The following ATP6V1D variants were observed in gnomAD, a reference collection of about 807,000 sequenced individuals.
The protein encoded by ATP6V1D is ATPase H+ transporting V1 subunit D, also known as V-type proton ATPase subunit D.
ATP6V1D carries 20 observed loss-of-function variants against 39.4 expected under a neutral mutation model. That is an observed-to-expected ratio of 0.51 (90% CI 0.36 to 0.74). ATP6V1D has a LOEUF of 0.74. ATP6V1D is among the 30% of genes least tolerant of loss of function. The probability of loss-of-function intolerance (pLI) is 0.00; values close to 1 mark genes in which losing one functional copy is unlikely to be tolerated. For missense variants in ATP6V1D, 228 were observed against 291.6 expected, an observed-to-expected ratio of 0.78 and a Z score of 1.59; for synonymous variants, 100 against 100.5, an observed-to-expected ratio of 0.99 and a Z score of 0.03.
At chr14:67,341,146 T>A (rs2085578613) in intron 7 of ATP6V1D, among the ~76,000 whole-genome samples, 1 of 151,674 alleles carries the variant, frequency 6.6e-6, no homozygotes, top group Admixed American at 6.6e-5. Flanking sequence ...TCGTCTGGGA[T>A]GTGAGGAGCC....
chr14:67,338,992 C>CT (rs772977015), intron 8 of ATP6V1D, among the ~76,000 whole-genome samples: 2,843 of 131,104 alleles, frequency 0.022, 46 homozygotes, highest in African/African-American at 0.029. Context: ...AGACAGAAGC[C>CT]TTTTTTTTTT....
chr14:67,342,690 C>T (rs2085594133), intron 7 of ATP6V1D, among the ~76,000 whole-genome samples: 1 of 148,294 alleles, frequency 6.7e-6, no homozygotes, highest in Non-Finnish European at 1.5e-5. Flanking sequence ...GTTAATATAA[C>T]AGTTAATATA....
rs1680753682 is a variant in ATP6V1D at position 67,347,390 on chromosome 14, C to T, written c.352+19G>A. The T allele has an allele frequency of 1.3e-6, 2 of 1,580,512 alleles. No homozygotes were observed. The highest frequency in any genetic ancestry group is 1.7e-5 in the Admixed American group (1 of 58,534). On this transcript the variant is annotated intron_variant, in intron 5 of 8. Transcript: ENST00000216442. The stretch of plus-strand genomic sequence containing the variant: ...GAAATCCCAGAGACACAAAGTAATA[C>T]AAAAAGTTTCACACTTACTGTCAGT...
chr14:67,352,743 T>TA (rs2085663659), intron 2 of ATP6V1D, 180 bp downstream of exon 2: 1 of 535,342 alleles, frequency 1.9e-6, no homozygotes, highest in African/African-American at 2.0e-5. Context: ...CAGGCAAGAT[T>TA]AAAGAGTTTG....
chr14:67,338,547 C>A lies in ATP6V1D; in HGVS notation c.*74G>T. On this transcript the variant is annotated 3_prime_UTR_variant, in exon 9 of 9. Transcript: ENST00000216442. ...TTAGGCCAAAAAATAAATAGCCACA[C>A]AAATCAAACCTACACACTGTGAATT... 1 of 1,427,610 alleles carries A rather than the reference C, an allele frequency of 7.0e-7. No homozygotes were observed. The highest frequency in any genetic ancestry group is 9.3e-7 in the Non-Finnish European group (1 of 1,074,126). 88.4% of individuals were successfully genotyped at this position (1,427,610 alleles called of 1,614,324 possible).
chr14:67,342,090 T>TG (rs2085588659), intron 7 of ATP6V1D, among the ~76,000 whole-genome samples: 1 of 151,984 alleles, frequency 6.6e-6, no homozygotes, highest in South Asian at 2.1e-4. Context: ...CAGAGACCTT[T>TG]GTTCACTTGT....
intron 7 of ATP6V1D, among the ~76,000 whole-genome samples, chr14:67,342,219 AAAAT>A (rs1319111838): frequency 1.1e-5 from 1 of 94,256 alleles, no homozygotes; most frequent in African/African-American, 6.1e-5. Context: ...TAAATAAAAT[AAAAT>A]AAAAAAAAAC....
chr14:67,344,698 G>C (rs1229837950), intron 6 of ATP6V1D, among the ~76,000 whole-genome samples: 1 of 151,802 alleles, frequency 6.6e-6, no homozygotes, highest in Non-Finnish European at 1.5e-5. Context: ...GGGCAACGTA[G>C]CAAGACCTCA....
intron 7 of ATP6V1D, 99 bp from the exon 8 acceptor site, chr14:67,340,617 A>G (rs2085573396): frequency 1.0e-6 from 1 of 1,003,566 alleles, no homozygotes; most frequent in Non-Finnish European, 1.5e-6. Context: ...CCTAATTGTA[A>G]AATTAATGTG....
chr14:67,340,563 T>G (rs1299984536), intron 7 of ATP6V1D, 45 bp from the exon 8 acceptor site: 1 of 1,485,774 alleles, frequency 6.7e-7, no homozygotes, highest in Non-Finnish European at 9.4e-7. Context: ...TTCAAACCCC[T>G]TTTTTCAAAT....
intron 2 of ATP6V1D, among the ~76,000 whole-genome samples, chr14:67,350,972 A>G (rs1298642532): frequency 6.6e-6 from 1 of 152,242 alleles, no homozygotes; most frequent in Non-Finnish European, 1.5e-5. Context: ...GAATGGGTAC[A>G]TGCTGATTTA....
chr14:67,351,965 A>T (rs1388600251), intron 2 of ATP6V1D, among the ~76,000 whole-genome samples: 1 of 149,448 alleles, frequency 6.7e-6, no homozygotes, highest in Non-Finnish European at 1.5e-5. Context: ...TAAGCATGAA[A>T]AGCTCCTTAA....
chr14:67,357,732 A>G (rs2085694980), intron 1 of ATP6V1D, among the ~76,000 whole-genome samples: 1 of 152,230 alleles, frequency 6.6e-6, no homozygotes, highest in African/African-American at 2.4e-5. Flanking sequence ...TGGCCATTTT[A>G]AAAAAGAGAG....
chr14:67,342,212 A>AATT lies in ATP6V1D; in HGVS notation c.523+1159_523+1160insAAT, dbSNP rs1323704286. Among the ~76,000 whole-genome samples, 125 of 119,204 alleles carry AATT rather than the reference A, an allele frequency of 1.0e-3. 2 individuals carry two copies. The highest frequency in any genetic ancestry group is 2.2e-3 in the African/African-American group (60 of 26,908). The allele number at this position is 119,204 out of a possible 152,430, so 78.2% of individuals were successfully genotyped here. On this transcript the variant is annotated intron_variant, in intron 7 of 8. Coordinates refer to ENST00000216442, the MANE Select transcript of ATP6V1D (RefSeq NM_015994.4). Reference sequence around the variant, plus strand: ...AATAAATAAATAAATAAATAAATAAATAAAATAAAATAAAAAAAAACACAA... The same window carrying AATT: ...AATAAATAAATAAATAAATAAATAAAATTTAAAATAAAATAAAAAAAAACACAA...
At chr14:67,359,563 G>A (rs1204592261) in intron 1 of ATP6V1D, 95 bp downstream of exon 1, 1 of 1,409,230 alleles carries the variant, frequency 7.1e-7, no homozygotes, top group Non-Finnish European at 9.9e-7. Flanking sequence ...GATCCTCCCA[G>A]GAAACAAGGA....
At chr14:67,356,227 C>A (rs1039119848) in intron 1 of ATP6V1D, among the ~76,000 whole-genome samples, 3 of 152,024 alleles carry the variant, frequency 2.0e-5, no homozygotes, top group Non-Finnish European at 4.4e-5. Context: ...CGAGACCACC[C>A]TGGCCAACAT....
chr14:67,341,293 C>T (rs1216031163), intron 7 of ATP6V1D, among the ~76,000 whole-genome samples: 1 of 152,064 alleles, frequency 6.6e-6, no homozygotes, highest in African/African-American at 2.4e-5. Context: ...ACCGCCCCTT[C>T]TGGGAGGTGA....
chr14:67,349,820 G>C (rs2085644614), intron 3 of ATP6V1D, among the ~76,000 whole-genome samples: 1 of 152,144 alleles, frequency 6.6e-6, no homozygotes, highest in Non-Finnish European at 1.5e-5. Flanking sequence ...TTCAATGCAA[G>C]CTGTGATCTT....
In ATP6V1D at chr14:67,348,933, A is replaced by C. The variant is rs553332584; in HGVS notation, c.307+104T>G. Reference sequence around the variant, plus strand: ...TAAAGCCAATCAACTTGTTCTAAGTAGAAGGAAGAAACTAGGACATTAAGA... The same window carrying C: ...TAAAGCCAATCAACTTGTTCTAAGTCGAAGGAAGAAACTAGGACATTAAGA... On this transcript the variant is annotated intron_variant, in intron 4 of 8. Coordinates refer to ENST00000216442, the MANE Select transcript of ATP6V1D (RefSeq NM_015994.4). 8 of 1,071,496 alleles carry C rather than the reference A, an allele frequency of 7.5e-6. No individual in the cohort carries two copies. The South Asian group carries it at 1.0e-4, about 14-fold the overall frequency. 66.4% of individuals were successfully genotyped at this position (1,071,496 alleles called of 1,614,324 possible). A position where few individuals can be genotyped will look rare whatever the true frequency, so the allele number is the denominator to read the frequency against.
Sources: gnomAD v4.1 joint callset for allele counts (sites outside exome capture counted in the v4.1 genomes callset) on GRCh38, gnomAD v4.1.1 for gene constraint, MANE v1.5 for transcripts, NCBI Gene and HGNC (gene_info 2026-07-23, HGNC 2026-07-21) for gene names.